The following MRPS22 variants were observed in gnomAD, a reference collection of about 807,000 sequenced individuals.
MRPS22 encodes small ribosomal subunit protein mS22.
A neutral mutation model predicts 44.0 loss-of-function variants in MRPS22; 30 were observed. That is an observed-to-expected ratio of 0.68 (90% CI 0.51 to 0.93). MRPS22 has a LOEUF of 0.93. Among genes scored for constraint, MRPS22 ranks in the 40% least tolerant of loss-of-function variants. MRPS22 has a pLI of 0.00. For synonymous variants in MRPS22, 165 were observed against 154.4 expected (o/e 1.07, Z -0.51); for missense variants, 447 against 447.8 (o/e 1.00, Z 0.02).
chr3:139,347,496 C>A (rs1392172714), intron 2 of MRPS22, among the ~76,000 whole-genome samples: 2 of 152,170 alleles, frequency 1.3e-5, no homozygotes, highest in Non-Finnish European at 2.9e-5. Context: ...ATACGTAAAG[C>A]ATTAATACTC....
intron 1 of MRPS22, among the ~76,000 whole-genome samples, chr3:139,345,454 T>TG (rs1375188673): frequency 1.3e-5 from 2 of 148,852 alleles, no homozygotes; most frequent in African/African-American, 4.9e-5. Flanking sequence ...TTTTTTGTTT[T>TG]TTTTTTTTTT....
In MRPS22 at chr3:139,344,042, A is replaced by G. The variant is rs761146333; in HGVS notation, c.16A>G (p.Thr6Ala). The change falls in exon 1 of 8, where the codon ACA (threonine) becomes GCA (alanine). Residue 6 changes from threonine to alanine, a missense_variant. Coordinates refer to ENST00000680020, the MANE Select transcript of MRPS22 (RefSeq NM_020191.4). MAPLGTTVLLWSLLRS... is the reference protein window; with the variant it reads MAPLGATVLLWSLLRS... The stretch of plus-strand genomic sequence containing the variant: ...TCTGATAATCATGGCGCCCCTCGGA[A>G]CAACTGTATTGCTGTGGAGCCTCTT... 1 of 1,614,158 alleles carries G rather than the reference A, an allele frequency of 6.2e-7. No individual in the cohort carries two copies. Among genetic ancestry groups the G allele is most frequent in the African/African-American group, 1.3e-5 (1 of 75,044 alleles).
Position 139,344,144 on chromosome 3 carries a change from C to G in MRPS22, c.118C>G (p.Leu40Val). 1.2e-6 allele frequency: 2 copies of G among 1,613,584 alleles called. No individual in the cohort carries two copies. Among genetic ancestry groups the G allele is most frequent in the Non-Finnish European group, 1.7e-6 (2 of 1,179,804 alleles). Residue 40 changes from leucine (L) to valine (V), a missense_variant, in exon 1 of 8, where the codon CTA becomes GTA. Leu to Val is a conservative substitution (Grantham distance 32). Transcript: ENST00000680020. ...QPWHGGLLQP[L>V]PCSFEMGLPR... ...CTGGCACGGTGGCCTGCTCCAACCGCTACCTTGCTCTTTCGAGATGGGGCT... is the reference window on the plus strand; with the variant it reads ...CTGGCACGGTGGCCTGCTCCAACCGGTACCTTGCTCTTTCGAGATGGGGCT...
At chr3:139,354,750 C>T (rs907287668) in intron 6 of MRPS22, among the ~76,000 whole-genome samples, 1 of 152,158 alleles carries the variant, frequency 6.6e-6, no homozygotes, top group African/African-American at 2.4e-5. Flanking sequence ...AGAGTGCTAG[C>T]TGCGGAAGCA....
At chr3:139,350,369 A>T (rs1941122797) in intron 4 of MRPS22, 47 bp downstream of exon 4, 2 of 1,603,094 alleles carry the variant, frequency 1.2e-6, no homozygotes, top group Admixed American at 3.3e-5. Flanking sequence ...GTGATGATTT[A>T]TTTGTAGAAC....
In MRPS22 at chr3:139,348,239, A is replaced by C; in HGVS notation, c.419A>C (p.Asp140Ala). Residue 140 changes from aspartate to alanine, a missense_variant, in exon 3 of 8, where the codon GAT (aspartate) becomes GCT (alanine). Coordinates refer to ENST00000680020, the MANE Select transcript of MRPS22 (RefSeq NM_020191.4). ...PVLEERVPIN[D>A]VLAEDKILEG... Reference sequence around the variant, plus strand: ...CTGGAAGAGCGAGTACCAATAAATGATGTGTTAGCTGAAGATAAGATTTTG... The same window carrying C: ...CTGGAAGAGCGAGTACCAATAAATGCTGTGTTAGCTGAAGATAAGATTTTG... The C allele has an allele frequency of 6.2e-7, 1 of 1,614,078 alleles. No individual in the cohort carries two copies.
At chr3:139,347,165 G>C (rs1941054352) in intron 2 of MRPS22, 121 bp downstream of exon 2, 1 of 1,159,370 alleles carries the variant, frequency 8.6e-7, no homozygotes, top group Non-Finnish European at 1.3e-6. Flanking sequence ...GGTAATACCA[G>C]GCATAGAACT....
intron 4 of MRPS22, chr3:139,350,544 C>T (rs1941126866): frequency 1.9e-6 from 1 of 526,146 alleles, no homozygotes; most frequent in East Asian, 3.6e-5. Flanking sequence ...TCTTCTGCCT[C>T]AGCCTCATGA....
chr3:139,356,354 A>AGG (rs1415853193), intron 7 of MRPS22, among the ~76,000 whole-genome samples: 1 of 152,226 alleles, frequency 6.6e-6, no homozygotes, highest in Non-Finnish European at 1.5e-5. Context: ...CAGGAAGGGA[A>AGG]GGGGAGGAGA....
At chr3:139,344,252 T>G (rs1221147329) in intron 1 of MRPS22, 54 bp downstream of exon 1, 3 of 1,548,938 alleles carry the variant, frequency 1.9e-6, no homozygotes, top group African/African-American at 2.7e-5. Flanking sequence ...ACGTAGATCC[T>G]GTTTCTGGCA....
At chr3:139,354,296 T>C (rs9839834) in intron 6 of MRPS22, among the ~76,000 whole-genome samples, 13,297 of 152,266 alleles carry the variant, frequency 0.087, 759 homozygotes, top group Non-Finnish European at 0.14. Flanking sequence ...ATTTGCTCTT[T>C]AAGTATGGGT....
intron 5 of MRPS22, chr3:139,351,920 A>G (rs1159911013): frequency 6.5e-6 from 1 of 153,082 alleles, no homozygotes; most frequent in Non-Finnish European, 1.5e-5. Flanking sequence ...GAACAGAGGA[A>G]TGCCCCCATC....
Position 139,350,264 on chromosome 3 carries a change from TCC to T in MRPS22, c.592_593del (p.Pro198LysfsTer5). ...CGGGACCGAATGATACAAGTTTATT[TCC>T]CAAAAGAAGGTCGTAAAATTTTGAC... On this transcript the variant is annotated frameshift_variant, in exon 4 of 8. Coordinates refer to ENST00000680020, the MANE Select transcript of MRPS22 (RefSeq NM_020191.4). LOFTEE classifies it high-confidence loss of function. The T allele has an allele frequency of 6.2e-7, 1 of 1,614,134 alleles. No individual in the cohort carries two copies. The highest frequency in any genetic ancestry group is 8.5e-7 in the Non-Finnish European group (1 of 1,180,022).
Position 139,344,076 on chromosome 3 carries a change from C to G in MRPS22, c.50C>G (p.Ser17Cys). Residue 17 changes from serine (S) to cysteine (C), a missense_variant, in exon 1 of 8, where the codon TCT (serine) becomes TGT (cysteine). Transcript: ENST00000680020. ...TVLLWSLLRS[S>C]PGVERVCFRA... ...TTGCTGTGGAGCCTCTTGAGGAGTT[C>G]TCCGGGCGTGGAACGGGTCTGTTTC... is the stretch of plus-strand genomic sequence containing the variant. The G allele has an allele frequency of 1.9e-6, 3 of 1,614,190 alleles. No individual in the cohort carries two copies. Among genetic ancestry groups the G allele is most frequent in the Non-Finnish European group, 2.5e-6 (3 of 1,180,038 alleles).
At chr3:139,356,763 T>G (rs889037736) in intron 7 of MRPS22, among the ~76,000 whole-genome samples, 156 bp from the exon 8 acceptor site, 2 of 152,216 alleles carry the variant, frequency 1.3e-5, no homozygotes, top group Non-Finnish European at 2.9e-5. Flanking sequence ...TGTTTATTAA[T>G]TATTGTATAA....
At chr3:139,356,161 A>C (rs1224199021) in intron 7 of MRPS22, among the ~76,000 whole-genome samples, 2 of 152,190 alleles carry the variant, frequency 1.3e-5, no homozygotes, top group Non-Finnish European at 2.9e-5. Context: ...CCCCCAGAGC[A>C]GCTTCCTGTC....
chr3:139,351,468 G>T (rs1243670888), intron 5 of MRPS22: 1 of 308,696 alleles, frequency 3.2e-6, no homozygotes, highest in Non-Finnish European at 6.3e-6. Context: ...ATTATCTTGG[G>T]TAGTATAGGT....
rs1196711701 is a variant in MRPS22 at position 139,348,261 on chromosome 3, T to C, written c.441T>C (p.Ile147=). ...ATGATGTGTTAGCTGAAGATAAGAT[T>C]TTGGAAGGAACAGAAACAACCAAAT... ...PINDVLAEDK[I]LEGTETTKYV... Residue 147 remains isoleucine, a synonymous_variant, in exon 3 of 8, where the codon ATT becomes ATC. Transcript: ENST00000680020. 1 of 1,614,086 alleles carries C rather than the reference T, an allele frequency of 6.2e-7. No homozygotes were observed.
chr3:139,352,859 T>C, intron 6 of MRPS22, 67 bp downstream of exon 6: 1 of 1,536,726 alleles, frequency 6.5e-7, no homozygotes, highest in Admixed American at 1.7e-5. Flanking sequence ...GTATTTAGGC[T>C]ATGGTATTTT....
Sources: allele counts gnomAD v4.1 joint callset (sites outside exome capture counted in the v4.1 genomes callset), GRCh38; gene constraint gnomAD v4.1.1; transcripts MANE v1.5; gene names NCBI Gene and HGNC (gene_info 2026-07-23, HGNC 2026-07-21).